Variants in CAD observed in about 807,000 individuals in gnomAD.
CAD encodes multifunctional protein CAD.
CAD carries 81 observed loss-of-function variants against 237.2 expected under a neutral mutation model. That is an observed-to-expected ratio of 0.34 (90% CI 0.29 to 0.41). The LOEUF is 0.41. Ranked by LOEUF, CAD falls within the 10% of genes least tolerant of loss-of-function variation. The pLI is 1.00. For missense variants in CAD, 2,181 were observed against 2,951.7 expected (o/e 0.74, Z 6.05); for synonymous variants, 1,196 against 1,162.8 (o/e 1.03, Z -0.58).
chr2:27,241,879 T>C lies in CAD; in HGVS notation c.5884-32T>C, dbSNP rs2148098064. On this transcript the variant is annotated intron_variant, in intron 38 of 43. Coordinates refer to ENST00000264705, the MANE Select transcript of CAD (RefSeq NM_004341.5). This position sits in a 1 kb window ranked among gnomAD's most constrained non-coding sequence, Gnocchi z 4.6. The stretch of plus-strand genomic sequence containing the variant: ...GGGGTTTCCCCAGGGTGGACACGCA[T>C]ACGTACACCTTCCATCTTGCTCTTT... 1.3e-6 allele frequency: 2 copies of C among 1,581,410 alleles called. No homozygotes were observed. The highest frequency in any genetic ancestry group is 1.3e-5 in the African/African-American group (1 of 74,392).
At position 27,225,549 on chromosome 2, in the gene CAD, A is replaced by ACGC. The variant is rs565196273; in HGVS notation, c.1621-155_1621-154insGCC. Among the ~76,000 whole-genome samples the ACGC allele has an allele frequency of 5.5e-5, 8 of 145,408 alleles. 1 individual carries two copies. Among genetic ancestry groups the ACGC allele is most frequent in the Non-Finnish European group, 9.1e-5 (6 of 66,192 alleles). ...TCGAACTCCTGACCTCAGGTGATCC[A>ACGC]CCCCCCCGACCCTCGGCCTCCCAAA... On this transcript the variant is annotated intron_variant, in intron 11 of 43. Transcript: ENST00000264705.
At position 27,239,741 on chromosome 2, in the gene CAD, A is replaced by C; in HGVS notation, c.5439A>C (p.Pro1813=). ...ATGGACAGGATGTACGGAAGTGGCC[A>C]CAGGGGGCTGTTCCTCAGCTCCCAC... ...PGYGQDVRKW[P]QGAVPQLPPS... is the part of the protein sequence containing the mutation. The change falls in exon 34 of 44, where the codon CCA becomes CCC. Residue 1813 remains proline (P), a synonymous_variant. Coordinates refer to ENST00000264705, the MANE Select transcript of CAD (RefSeq NM_004341.5). This position sits in a 1 kb window ranked among gnomAD's most constrained non-coding sequence, Gnocchi z 4.0. 6.3e-7 allele frequency: 1 copy of C among 1,593,284 alleles called. No individual in the cohort carries two copies.
intron 2 of CAD, among the ~76,000 whole-genome samples, chr2:27,218,507 C>G (rs1021882195): frequency 2.0e-5 from 3 of 151,980 alleles, no homozygotes; most frequent in Non-Finnish European, 4.4e-5. Context: ...CTTTTTAGGA[C>G]TACATAAATT....
In CAD at chr2:27,240,401, A is replaced by T. The variant is rs1342666196; in HGVS notation, c.5593+40A>T. 2 of 1,581,798 alleles carry T rather than the reference A, an allele frequency of 1.3e-6. No individual in the cohort carries two copies. The highest frequency in any genetic ancestry group is 1.3e-5 in the African/African-American group (1 of 74,180). On this transcript the variant is annotated intron_variant, in intron 35 of 43. Transcript: ENST00000264705. This position sits in a 1 kb window ranked among gnomAD's most constrained non-coding sequence, Gnocchi z 4.6. ...CCTGTGACTCAGAGACTGTGTAGGGACAGGATCCACTTCTTCCCAGTGCCT... is the reference window on the plus strand; with the variant it reads ...CCTGTGACTCAGAGACTGTGTAGGGTCAGGATCCACTTCTTCCCAGTGCCT...
chr2:27,236,568 G>A lies in CAD; in HGVS notation c.4314+45G>A. On this transcript the variant is annotated intron_variant, in intron 26 of 43. Coordinates refer to ENST00000264705, the MANE Select transcript of CAD (RefSeq NM_004341.5). This position sits in a 1 kb window ranked among gnomAD's most constrained non-coding sequence, Gnocchi z 4.1. ...TGGGAGGGAGACTGCCAGTGTTGAT[G>A]GGAAGAAGAAAGAGGGAGGAGTGAG... is the stretch of plus-strand genomic sequence containing the variant. 1 of 1,604,064 alleles carries A rather than the reference G, an allele frequency of 6.2e-7. No homozygotes were observed. Among genetic ancestry groups the A allele is most frequent in the South Asian group, 1.1e-5 (1 of 90,818 alleles).
In CAD at chr2:27,233,895, C is replaced by G; in HGVS notation, c.3399+87C>G. The G allele has an allele frequency of 1.9e-6, 3 of 1,556,844 alleles. No individual in the cohort carries two copies. The highest frequency in any genetic ancestry group is 2.6e-6 in the Non-Finnish European group (3 of 1,134,106). On this transcript the variant is annotated intron_variant, in intron 21 of 43. Coordinates refer to ENST00000264705, the MANE Select transcript of CAD (RefSeq NM_004341.5). This position sits in a 1 kb window ranked among gnomAD's most constrained non-coding sequence, Gnocchi z 6.3. ...TTCTCTGGTCCAGCAGAATCATAGGCACCAGGGCTGGGAACAGTGGGCTAT... is the reference window on the plus strand; with the variant it reads ...TTCTCTGGTCCAGCAGAATCATAGGGACCAGGGCTGGGAACAGTGGGCTAT...
chr2:27,221,753 A>AT (rs57429918), intron 3 of CAD, among the ~76,000 whole-genome samples: 1,140 of 103,460 alleles, frequency 0.011, 15 homozygotes, highest in African/African-American at 0.026. Flanking sequence ...AAATTTCCCA[A>AT]TTTTTTTTTT....
chr2:27,218,082 TAGG>T (rs1212116794), intron 2 of CAD, 66 bp downstream of exon 2: 212 of 1,427,728 alleles, frequency 1.5e-4, no homozygotes, highest in Non-Finnish European at 1.9e-4. Flanking sequence ...ATTAGTGAAG[TAGG>T]AGACGTTGAC....
intron 31 of CAD, 121 bp downstream of exon 31, chr2:27,238,753 G>T: frequency 4.4e-6 from 4 of 905,504 alleles, no homozygotes; most frequent in Non-Finnish European, 6.6e-6. Flanking sequence ...ATCCGTATGG[G>T]ACCCTAGCCT....
Position 27,222,362 on chromosome 2 carries a change from T to C in CAD, c.495+26T>C, listed in dbSNP as rs750231307. 8.8e-6 allele frequency: 14 copies of C among 1,599,032 alleles called. No homozygotes were observed. The African/African-American group carries it at 1.5e-4, about 17-fold the overall frequency. Reference sequence around the variant, plus strand: ...GTACAGAGGTAGAGTGGGAGAGTGTTGCAAGCTCTAGCACAGTAGTTATAT... The same window carrying C: ...GTACAGAGGTAGAGTGGGAGAGTGTCGCAAGCTCTAGCACAGTAGTTATAT... On this transcript the variant is annotated intron_variant, in intron 4 of 43. Transcript: ENST00000264705.
rs1487152512 is a variant in CAD, at chr2:27,237,885, A to G, written c.4728+3A>G. 1.2e-6 allele frequency: 2 copies of G among 1,604,028 alleles called. No individual in the cohort carries two copies. Among genetic ancestry groups the G allele is most frequent in the Non-Finnish European group, 1.7e-6 (2 of 1,173,498 alleles). On this transcript the variant is annotated splice_donor_region_variant and intron_variant, in intron 29 of 43. Transcript: ENST00000264705. The surrounding 1 kb of genome is among the most constrained non-coding windows in gnomAD (Gnocchi z 4.0). ...ACAGCGTGGTCCAGTGGATGGAGGT[A>G]GGGAGTGTGCATGTGGCAGGAGGCC...
At chr2:27,220,330 G>C (rs1675093403) in intron 2 of CAD, among the ~76,000 whole-genome samples, 1 of 152,156 alleles carries the variant, frequency 6.6e-6, no homozygotes, top group Admixed American at 6.5e-5. Flanking sequence ...ACAGAGAAAG[G>C]ATTTGTGATT....
rs1267874862 is a variant in CAD at position 27,234,178 on chromosome 2, C to A, written c.3570C>A (p.Gly1190=). ...ERIKAIVHAV[G]QELQVTGPFN... is the part of the protein sequence containing the mutation. ...TCAAAGCCATTGTGCATGCTGTGGG[C>A]CAGGAGCTACAGGTCACAGGACCCT... Residue 1190 remains glycine (G), a synonymous_variant, in exon 22 of 44, where the codon GGC becomes GGA. Coordinates refer to ENST00000264705, the MANE Select transcript of CAD (RefSeq NM_004341.5). 6.2e-7 allele frequency: 1 copy of A among 1,614,168 alleles called. No individual in the cohort carries two copies. The highest frequency in any genetic ancestry group is 1.1e-5 in the South Asian group (1 of 91,076).
chr2:27,223,540 A>G, intron 6 of CAD, 23 bp from the exon 7 acceptor site: 1 of 1,609,546 alleles, frequency 6.2e-7, no homozygotes, highest in African/African-American at 1.3e-5. Flanking sequence ...AGGGCCTGTG[A>G]CTCGGCATGC....
rs761961745 is a variant in CAD, at chr2:27,239,748, G to A, written c.5446G>A (p.Ala1816Thr). ...GGATGTACGGAAGTGGCCACAGGGG[G>A]CTGTTCCTCAGCTCCCACCCTCAGC... ...GQDVRKWPQG[A>T]VPQLPPSAPA... The change falls in exon 34 of 44, where the codon GCT becomes ACT. Residue 1816 changes from alanine (A) to threonine (T), a missense_variant. Physicochemically the swap from Ala to Thr is moderately conservative, Grantham distance 58. Transcript: ENST00000264705. This position sits in a 1 kb window ranked among gnomAD's most constrained non-coding sequence, Gnocchi z 4.0. 5.7e-6 allele frequency: 9 copies of A among 1,591,938 alleles called. No individual in the cohort carries two copies. In the South Asian group the frequency reaches 9.1e-5, roughly 16 times the overall value.
chr2:27,232,730 AT>A lies in CAD; in HGVS notation c.2892+38del. ...TCATTTTCTTTCCACTTTCCTTGCT[AT>A]TCTGTTCATCTCTAGCAATTGCTTG... On this transcript the variant is annotated intron_variant, in intron 18 of 43. Coordinates refer to ENST00000264705, the MANE Select transcript of CAD (RefSeq NM_004341.5). This position sits in a 1 kb window ranked among gnomAD's most constrained non-coding sequence, Gnocchi z 4.1. 6.2e-7 allele frequency: 1 copy of A among 1,611,690 alleles called. No homozygotes were observed. The highest frequency in any genetic ancestry group is 8.5e-7 in the Non-Finnish European group (1 of 1,178,230).
Position 27,217,380 on chromosome 2 carries a change from C to T in CAD, c.-172C>T, listed in dbSNP as rs1674912177. 5 of 628,314 alleles carry T rather than the reference C, an allele frequency of 8.0e-6. No individual in the cohort carries two copies. The highest frequency in any genetic ancestry group is 1.8e-5 in the South Asian group (1 of 54,524). 38.9% of individuals were successfully genotyped at this position (628,314 alleles called of 1,614,324 possible). The stretch of plus-strand genomic sequence containing the variant: ...GTCCGCGCCGCCGCAGTCTCTGCTG[C>T]TGCCGCCAAGCGCGCCCGAGGCTCC... On this transcript the variant is annotated 5_prime_UTR_variant, in exon 1 of 44. Transcript: ENST00000264705.
chr2:27,238,433 C>T lies in CAD; in HGVS notation c.4863C>T (p.Ile1621=). Reference sequence around the variant, plus strand: ...TGGATCTTCCCATTGTTCCCCAGATCCTGCTAATTAAAGCTGCAAAGGCAC... The same window carrying T: ...TGGATCTTCCCATTGTTCCCCAGATTCTGCTAATTAAAGCTGCAAAGGCAC... ...HICHVARKEE[I]LLIKAAKARG... Residue 1621 remains isoleucine, a splice_region_variant and synonymous_variant, in exon 31 of 44, where the codon ATC becomes ATT. Coordinates refer to ENST00000264705, the MANE Select transcript of CAD (RefSeq NM_004341.5). The T allele has an allele frequency of 6.4e-7, 1 of 1,569,544 alleles. No homozygotes were observed. The highest frequency in any genetic ancestry group is 8.6e-7 in the Non-Finnish European group (1 of 1,156,668).
In CAD at chr2:27,232,866, T is replaced by C. The variant is rs760256946; in HGVS notation, c.2892+172T>C. On this transcript the variant is annotated intron_variant, in intron 18 of 43. Coordinates refer to ENST00000264705, the MANE Select transcript of CAD (RefSeq NM_004341.5). This position sits in a 1 kb window ranked among gnomAD's most constrained non-coding sequence, Gnocchi z 4.1. ...TCATGCCCCACACGGTATATGAATC[T>C]CTTCCCCAACACTTTGTACCTCCTT... Among the ~76,000 whole-genome samples the C allele has an allele frequency of 6.6e-6, 1 of 152,304 alleles. No individual in the cohort carries two copies.
Sources: gnomAD v4.1 joint callset for allele counts (sites outside exome capture counted in the v4.1 genomes callset) on GRCh38, gnomAD v4.1.1 for gene constraint, Gnocchi (gnomAD v3.1) non-coding constraint, MANE v1.5 for transcripts, NCBI Gene and HGNC (gene_info 2026-07-23, HGNC 2026-07-21) for gene names.